Variants in GRM7 observed in about 807,000 individuals in gnomAD.
The protein encoded by GRM7 is metabotropic glutamate receptor 7.
GRM7 carries 35 observed loss-of-function variants against 84.5 expected under a neutral mutation model. That is an observed-to-expected ratio of 0.41 (90% CI 0.32 to 0.55). The LOEUF (loss-of-function observed/expected upper bound fraction) is 0.55, where lower values mean the gene tolerates loss of function less well. Ranked by LOEUF, GRM7 falls within the 20% of genes least tolerant of loss-of-function variation. GRM7 has a pLI of 0.19. For synonymous variants in GRM7, 487 were observed against 455.1 expected (o/e 1.07, Z -0.89); for missense variants, 1,003 against 1,194.6 (o/e 0.84, Z 2.36).
chr3:7,731,499 A>T (rs1702330160), intron 9 of GRM7, among the ~76,000 whole-genome samples: 1 of 152,296 alleles, frequency 6.6e-6, no homozygotes, highest in South Asian at 2.1e-4. Flanking sequence ...TCCCTTAATT[A>T]TTGCTGGGCT....
intron 1 of GRM7, among the ~76,000 whole-genome samples, chr3:7,124,257 C>T (rs1693320655): frequency 6.6e-6 from 1 of 152,188 alleles, no homozygotes; most frequent in South Asian, 2.1e-4. Flanking sequence ...ATTCCAGTTT[C>T]AGGAAAGTTC....
At chr3:7,017,597 A>G (rs773090109) in intron 1 of GRM7, among the ~76,000 whole-genome samples, 9 of 152,172 alleles carry the variant, frequency 5.9e-5, no homozygotes, top group African/African-American at 1.9e-4. Flanking sequence ...TCCGATGTCG[A>G]TAAGTTGTGC....
chr3:7,189,818 T>C (rs931550698), intron 2 of GRM7, among the ~76,000 whole-genome samples: 11 of 152,124 alleles, frequency 7.2e-5, no homozygotes, highest in African/African-American at 2.4e-4. Flanking sequence ...ACATAAAGCA[T>C]CATAGAGATG....
chr3:7,284,484 G>A lies in GRM7; in HGVS notation c.737-14200G>A, dbSNP rs79707021. On this transcript the variant is annotated intron_variant, in intron 2 of 9. Coordinates refer to ENST00000357716, the MANE Select transcript of GRM7 (RefSeq NM_000844.4). ...TTAATAGTTTGGGAAATTTAGATGGGATGAATTATAAATTTATCTTGCCTC... is the reference window on the plus strand; with the variant it reads ...TTAATAGTTTGGGAAATTTAGATGGAATGAATTATAAATTTATCTTGCCTC... Among the ~76,000 whole-genome samples, 383 of 152,184 alleles carry A rather than the reference G, an allele frequency of 2.5e-3. 1 individual carries two copies. The highest frequency in any genetic ancestry group is 8.7e-3 in the African/African-American group (360 of 41,524).
At chr3:6,910,350 G>A (rs1016682459) in intron 1 of GRM7, among the ~76,000 whole-genome samples, 1 of 152,100 alleles carries the variant, frequency 6.6e-6, no homozygotes, top group Non-Finnish European at 1.5e-5. Context: ...GGCAAATGTA[G>A]TTCAGGCAAT....
chr3:7,523,264 AAGG>A (rs1700666425), intron 7 of GRM7, among the ~76,000 whole-genome samples: 1 of 152,206 alleles, frequency 6.6e-6, no homozygotes, highest in South Asian at 2.1e-4. Flanking sequence ...AAGATCAGAA[AAGG>A]AGAAGGGGCA....
intron 1 of GRM7, among the ~76,000 whole-genome samples, chr3:6,987,995 CTT>C (rs34837684): frequency 1.5e-3 from 171 of 112,110 alleles, no homozygotes; most frequent in South Asian, 0.012. Flanking sequence ...TCACCTCTAG[CTT>C]TTTTTTTTTT....
intron 1 of GRM7, among the ~76,000 whole-genome samples, chr3:6,929,300 A>T (rs1408921873): frequency 2.6e-5 from 4 of 152,150 alleles, no homozygotes; most frequent in Admixed American, 2.6e-4. Context: ...TTAGACCTCC[A>T]TGCCTTCCCA....
intron 4 of GRM7, among the ~76,000 whole-genome samples, chr3:7,370,043 T>C (rs7647001): frequency 0.38 from 57,722 of 152,006 alleles, 11,467 homozygotes; most frequent in East Asian, 0.57. Context: ...CCACTTTGCC[T>C]CACCCAGGCC....
intron 2 of GRM7, among the ~76,000 whole-genome samples, chr3:7,234,978 C>T (rs2124907703): frequency 6.6e-6 from 1 of 152,312 alleles, no homozygotes; most frequent in East Asian, 1.9e-4. Flanking sequence ...CTTGCCTGTA[C>T]TGAAACTTAA....
intron 2 of GRM7, among the ~76,000 whole-genome samples, chr3:7,223,101 A>G (rs1477864166): frequency 2.0e-5 from 3 of 152,144 alleles, no homozygotes; most frequent in Non-Finnish European, 2.9e-5. Flanking sequence ...TGACTAACTT[A>G]TATATAGGTG....
At chr3:6,922,782 CT>C (rs796130106) in intron 1 of GRM7, among the ~76,000 whole-genome samples, 21 of 152,228 alleles carry the variant, frequency 1.4e-4, no homozygotes, top group African/African-American at 5.1e-4. Context: ...ATTTAATGTT[CT>C]GTTCAAAGAT....
rs183968257 is a variant in GRM7 at position 7,159,248 on chromosome 3, A to G, written c.736+12580A>G. On this transcript the variant is annotated intron_variant, in intron 2 of 9. Coordinates refer to ENST00000357716, the MANE Select transcript of GRM7 (RefSeq NM_000844.4). ...AGTATTTTCCCCCTAAATTTTAAAG[A>G]TCTGTTAACGTGAAATACAATAAAA... Among the ~76,000 whole-genome samples the G allele has an allele frequency of 3.9e-5, 6 of 152,286 alleles. No homozygotes were observed. In the East Asian group the frequency reaches 1.2e-3, roughly 29 times the overall value.
rs3220585 is a variant in GRM7, at chr3:6,877,809, TCACACACACACACACA to T, written c.519+15931_519+15946del. Among the ~76,000 whole-genome samples, 417 of 145,632 alleles carry T rather than the reference TCACACACACACACACA, an allele frequency of 2.9e-3. 2 individuals carry two copies. The highest frequency in any genetic ancestry group is 8.8e-3 in the African/African-American group (345 of 39,190). ...ATATACACATATACCTACACAGATA[TCACACACACACACACA>T]CACACACACACACACACACACACAC... On this transcript the variant is annotated intron_variant, in intron 1 of 9. Transcript: ENST00000357716.
intron 4 of GRM7, among the ~76,000 whole-genome samples, chr3:7,412,775 A>G (rs1695997164): frequency 7.1e-6 from 1 of 140,984 alleles, no homozygotes; most frequent in Admixed American, 6.8e-5. Context: ...CAATTTCATA[A>G]TAAAAATACC....
At chr3:7,474,023 A>G (rs1361087702) in intron 7 of GRM7, among the ~76,000 whole-genome samples, 2 of 152,296 alleles carry the variant, frequency 1.3e-5, no homozygotes, top group East Asian at 3.9e-4. Context: ...AATCTATGAT[A>G]CCAGCTCTGT....
In GRM7 at chr3:7,592,989, A is replaced by G. The variant is rs148383615; in HGVS notation, c.2451+13632A>G. Reference sequence around the variant, plus strand: ...AGTGGACTGGTAACCTCTTCCATGGATAAGATAATGGGGCTCCCACACATA... The same window carrying G: ...AGTGGACTGGTAACCTCTTCCATGGGTAAGATAATGGGGCTCCCACACATA... On this transcript the variant is annotated intron_variant, in intron 8 of 9. Transcript: ENST00000357716. Among the ~76,000 whole-genome samples the G allele has an allele frequency of 7.9e-5, 12 of 152,304 alleles. No individual in the cohort carries two copies. The East Asian group carries it at 2.1e-3, about 27-fold the overall frequency.
intron 8 of GRM7, among the ~76,000 whole-genome samples, chr3:7,610,585 C>T (rs995576558): frequency 3.3e-5 from 5 of 152,040 alleles, no homozygotes; most frequent in African/African-American, 1.2e-4. Flanking sequence ...ATGGATAATT[C>T]ACCTAACAAA....
chr3:6,958,847 A>G (rs1451226820), intron 1 of GRM7, among the ~76,000 whole-genome samples: 2 of 152,196 alleles, frequency 1.3e-5, no homozygotes, highest in Non-Finnish European at 2.9e-5. Context: ...ATACTAGAGC[A>G]TATTAGAAGC....
Sources: gnomAD v4.1 joint callset for allele counts (sites outside exome capture counted in the v4.1 genomes callset) on GRCh38, gnomAD v4.1.1 for gene constraint, MANE v1.5 for transcripts, NCBI Gene and HGNC (gene_info 2026-07-23, HGNC 2026-07-21) for gene names.